The following ERICH1 variants were observed in gnomAD, a reference collection of about 807,000 sequenced individuals.
ERICH1 encodes the protein glutamate rich 1, also known as glutamate-rich protein 1.
ERICH1 carries 56 observed loss-of-function variants against 39.6 expected under a neutral mutation model. The observed-to-expected ratio is 1.41, with a 90% confidence interval of 1.14 to 1.77. The LOEUF (loss-of-function observed/expected upper bound fraction) is 1.77, where lower values mean the gene tolerates loss of function less well. Ranked by LOEUF, ERICH1 falls within the 40% of genes most tolerant of loss-of-function variation. The pLI is 0.00. For synonymous variants in ERICH1, 313 were observed against 223.6 expected, an observed-to-expected ratio of 1.40 and a Z score of -3.57; for missense variants, 826 against 575.4, an observed-to-expected ratio of 1.44 and a Z score of -4.45.
At chr8:706,289 G>C (rs1422857781) in intron 2 of ERICH1, among the ~76,000 whole-genome samples, 1 of 152,142 alleles carries the variant, frequency 6.6e-6, no homozygotes, top group Non-Finnish European at 1.5e-5. Flanking sequence ...CAAAACCGCA[G>C]GATACAAGGT....
intron 3 of ERICH1, among the ~76,000 whole-genome samples, chr8:642,717 C>T (rs1393987978): frequency 1.3e-5 from 2 of 152,078 alleles, no homozygotes; most frequent in African/African-American, 2.4e-5. Context: ...CGCGTTGTTC[C>T]GCCTTGATCT....
intron 2 of ERICH1, among the ~76,000 whole-genome samples, chr8:693,941 C>G (rs1809544952): frequency 6.6e-6 from 1 of 152,212 alleles, no homozygotes; most frequent in Non-Finnish European, 1.5e-5. Context: ...AGCAGGGCCA[C>G]TTCCTCTCAA....
At chr8:623,674 A>G (rs1200000640) in intron 3 of ERICH1, among the ~76,000 whole-genome samples, 1 of 152,228 alleles carries the variant, frequency 6.6e-6, no homozygotes, top group Non-Finnish European at 1.5e-5. Context: ...TAAATAAATG[A>G]TGCTGGAACA....
At chr8:679,369 C>T (rs1221673871) in intron 3 of ERICH1, among the ~76,000 whole-genome samples, 2 of 150,586 alleles carry the variant, frequency 1.3e-5, no homozygotes, top group African/African-American at 4.9e-5. Context: ...AGCTCTGGCC[C>T]CTCACAGCAC....
intron 5 of ERICH1, among the ~76,000 whole-genome samples, chr8:665,767 C>T (rs1382193072): frequency 2.6e-5 from 4 of 152,158 alleles, no homozygotes; most frequent in Non-Finnish European, 5.9e-5. Context: ...GCCCCCATGA[C>T]TGAGGAAAAG....
intron 2 of ERICH1, among the ~76,000 whole-genome samples, chr8:700,581 C>T (rs1362977234): frequency 2.6e-5 from 4 of 152,056 alleles, no homozygotes; most frequent in Non-Finnish European, 5.9e-5. Flanking sequence ...CGCACAGACC[C>T]GCACACATGC....
intron 3 of ERICH1, among the ~76,000 whole-genome samples, chr8:630,387 C>G (rs1347372133): frequency 1.4e-5 from 2 of 141,976 alleles, no homozygotes; most frequent in Non-Finnish European, 3.1e-5. Context: ...TGACCACCCA[C>G]ACAGACAGAG....
Position 647,540 on chromosome 8 carries a change from C to T in ERICH1, c.976+21058G>A, listed in dbSNP as rs568612099. 3.0e-5 allele frequency among the ~76,000 whole-genome samples: 2 copies of T among 67,580 alleles called. 1 individual carries two copies. The highest frequency in any genetic ancestry group is 9.1e-5 in the Non-Finnish European group (2 of 22,012). 44.3% of individuals were successfully genotyped at this position (67,580 alleles called of 152,430 possible). ...AAAAGAAATTTAAATTTTAAAAGAA[C>T]TTGAAATTTGACAAGGAAACAGTGA... On this transcript the variant is annotated intron_variant, in intron 3 of 3. Transcript: ENST00000522706.
At chr8:653,421 C>A (rs1585054176) in intron 3 of ERICH1, among the ~76,000 whole-genome samples, 1 of 152,224 alleles carries the variant, frequency 6.6e-6, no homozygotes, top group African/African-American at 2.4e-5. Flanking sequence ...CATGCGTAGA[C>A]TGCCGAGTGT....
intron 2 of ERICH1, among the ~76,000 whole-genome samples, chr8:705,446 A>T (rs1178145674): frequency 6.6e-6 from 1 of 152,194 alleles, no homozygotes; most frequent in Non-Finnish European, 1.5e-5. Context: ...TTCCTTTAAC[A>T]TTTCCAAGGC....
intron 3 of ERICH1, among the ~76,000 whole-genome samples, chr8:650,379 G>T (rs1019610417): frequency 4.6e-5 from 7 of 152,320 alleles, no homozygotes; most frequent in African/African-American, 1.7e-4. Context: ...CCTGCCCTGG[G>T]GGCTGACATC....
At chr8:638,040 A>C (rs770429173) in intron 3 of ERICH1, among the ~76,000 whole-genome samples, 9 of 152,120 alleles carry the variant, frequency 5.9e-5, no homozygotes, top group Non-Finnish European at 1.3e-4. Flanking sequence ...ATGACTTTAC[A>C]CAGAAGCCTG....
chr8:619,382 C>G (rs1797137639), intron 3 of ERICH1, among the ~76,000 whole-genome samples: 1 of 152,156 alleles, frequency 6.6e-6, no homozygotes, highest in Non-Finnish European at 1.5e-5. Flanking sequence ...CTTCTTTCTT[C>G]TCAACTTATT....
At chr8:724,520 C>A (rs1166898617) in intron 1 of ERICH1, among the ~76,000 whole-genome samples, 1 of 152,056 alleles carries the variant, frequency 6.6e-6, no homozygotes, top group Non-Finnish European at 1.5e-5. Context: ...CCGGCACTGC[C>A]CCGACGGGGG....
intron 1 of ERICH1, among the ~76,000 whole-genome samples, chr8:726,345 C>T (rs1054334071): frequency 4.0e-4 from 61 of 151,482 alleles, no homozygotes; most frequent in Admixed American, 2.0e-4. Flanking sequence ...ACACAACACA[C>T]AGGCGCACAT....
At chr8:726,765 AC>A (rs1818816592) in intron 1 of ERICH1, among the ~76,000 whole-genome samples, 2 of 151,970 alleles carry the variant, frequency 1.3e-5, no homozygotes, top group African/African-American at 4.8e-5. Flanking sequence ...CCACACACAG[AC>A]ACATGTACAC....
At chr8:695,768 C>T (rs80059995) in intron 2 of ERICH1, among the ~76,000 whole-genome samples, 20 of 138,946 alleles carry the variant, frequency 1.4e-4, no homozygotes, top group South Asian at 2.3e-4. Flanking sequence ...TCACCCTCCA[C>T]TCCTCTCCTT....
intron 3 of ERICH1, chr8:616,641 G>C: frequency 2.2e-6 from 1 of 454,082 alleles, no homozygotes; most frequent in African/African-American, 2.0e-5. Flanking sequence ...AGACAGAGAA[G>C]GAGAGACAGA....
At chr8:716,363 T>A (rs1486784372) in intron 1 of ERICH1, among the ~76,000 whole-genome samples, 1 of 152,232 alleles carries the variant, frequency 6.6e-6, no homozygotes, top group Non-Finnish European at 1.5e-5. Context: ...CCATGACCCC[T>A]GTCAGTGGGG....
Sources: gnomAD v4.1 joint callset for allele counts (sites outside exome capture counted in the v4.1 genomes callset) on GRCh38, gnomAD v4.1.1 for gene constraint, MANE v1.5 for transcripts, NCBI Gene and HGNC (gene_info 2026-07-23, HGNC 2026-07-21) for gene names.